Variants in RBBP5 observed in about 807,000 individuals in gnomAD.
The protein encoded by RBBP5 is RB binding protein 5, histone lysine methyltransferase complex subunit.
RBBP5 carries 5 observed loss-of-function variants against 72.2 expected under a neutral mutation model. The observed-to-expected ratio is 0.07, with a 90% CI of 0.04 to 0.15. The LOEUF (loss-of-function observed/expected upper bound fraction) is 0.15. Ranked by LOEUF, RBBP5 falls within the 10% of genes least tolerant of loss-of-function variation. The pLI is 1.00. For synonymous variants in RBBP5, 209 were observed against 237.2 expected (o/e 0.88, Z 1.09); for missense variants, 322 against 652.2 (o/e 0.49, Z 5.51).
chr1:205,103,794 A>C, intron 5 of RBBP5, 63 bp downstream of exon 5: 8 of 1,555,004 alleles, frequency 5.1e-6, no homozygotes, highest in Non-Finnish European at 7.0e-6. Flanking sequence ...AAAAGAAACA[A>C]AACAAGTAAA....
At chr1:205,097,715 A>G (rs1317731119) in intron 10 of RBBP5, among the ~76,000 whole-genome samples, 1 of 152,222 alleles carries the variant, frequency 6.6e-6, no homozygotes, top group Non-Finnish European at 1.5e-5. Context: ...AGGAGGAACA[A>G]TTTATGTGGA....
intron 1 of RBBP5, among the ~76,000 whole-genome samples, chr1:205,118,555 A>T (rs61822618): frequency 0.19 from 28,792 of 151,938 alleles, 3,024 homozygotes; most frequent in East Asian, 0.39. Flanking sequence ...GGAGGTTGCA[A>T]TGAGCCAAGA....
intron 12 of RBBP5, 70 bp from the exon 13 acceptor site, chr1:205,095,134 T>C: frequency 7.0e-7 from 1 of 1,437,972 alleles, no homozygotes; most frequent in Non-Finnish European, 9.6e-7. Context: ...ACAACTTTGT[T>C]GAGCAAAGAA....
rs1018412461 is a variant in RBBP5 at position 205,112,299 on chromosome 1, C to G, written c.218+2490G>C. Reference sequence around the variant, plus strand: ...CACCACTGCATTCCAGCCTGGGCAACAGAGCAAGACTCTGTCTCAAAAAAA... The same window carrying G: ...CACCACTGCATTCCAGCCTGGGCAAGAGAGCAAGACTCTGTCTCAAAAAAA... On this transcript the variant is annotated intron_variant, in intron 3 of 13. Coordinates refer to ENST00000264515, the MANE Select transcript of RBBP5 (RefSeq NM_005057.4). Among the ~76,000 whole-genome samples the G allele has an allele frequency of 2.1e-4, 32 of 152,060 alleles. 1 individual carries two copies. The highest frequency in any genetic ancestry group is 1.9e-3 in the Admixed American group (29 of 15,254).
chr1:205,093,552 A>ACT (rs1553352186), intron 13 of RBBP5, among the ~76,000 whole-genome samples: 1 of 66,320 alleles, frequency 1.5e-5, no homozygotes, highest in Non-Finnish European at 4.4e-5. Context: ...ACACACACAC[A>ACT]CACACACACA....
intron 5 of RBBP5, among the ~76,000 whole-genome samples, chr1:205,101,973 T>TGCAACCTC (rs1362242749): frequency 6.7e-6 from 1 of 150,250 alleles, no homozygotes; most frequent in African/African-American, 2.5e-5. Flanking sequence ...CTCGGCTCAC[T>TGCAACCTC]GCAACCTCTG....
In RBBP5 at chr1:205,101,057, G is replaced by T. The variant is rs142246368; in HGVS notation, c.632+543C>A. On this transcript the variant is annotated intron_variant, in intron 6 of 13. Transcript: ENST00000264515. ...TGCTCACCTCCAGCTGTGTGGCAGG[G>T]TTCCTAACAGGCCAATACTGGTCTG... Among the ~76,000 whole-genome samples the T allele has an allele frequency of 1.1e-3, 164 of 152,294 alleles. 1 individual carries two copies. The highest frequency in any genetic ancestry group is 3.7e-3 in the African/African-American group (154 of 41,566).
chr1:205,118,123 AG>A (rs1656598655), intron 1 of RBBP5, among the ~76,000 whole-genome samples: 1 of 151,950 alleles, frequency 6.6e-6, no homozygotes, highest in Non-Finnish European at 1.5e-5. Context: ...ACTGCTTGTA[AG>A]TGCTTTTAGC....
intron 5 of RBBP5, among the ~76,000 whole-genome samples, chr1:205,103,641 G>T (rs1655935492): frequency 1.3e-5 from 2 of 152,218 alleles, no homozygotes; most frequent in Non-Finnish European, 2.9e-5. Context: ...TCCAGTAAAG[G>T]TCCTCCCATG....
chr1:205,102,295 T>C lies in RBBP5; in HGVS notation c.523-586A>G, dbSNP rs138164127. Among the ~76,000 whole-genome samples, 33 of 152,272 alleles carry C rather than the reference T, an allele frequency of 2.2e-4. No homozygotes were observed. The East Asian group carries it at 6.2e-3, about 28-fold the overall frequency. On this transcript the variant is annotated intron_variant, in intron 5 of 13. Coordinates refer to ENST00000264515, the MANE Select transcript of RBBP5 (RefSeq NM_005057.4). Reference sequence around the variant, plus strand: ...ATAAGCCATATAAACAAAAGTGGTATAAACATAAAATGGAGTATTATTGAG... The same window carrying C: ...ATAAGCCATATAAACAAAAGTGGTACAAACATAAAATGGAGTATTATTGAG...
At chr1:205,097,575 A>C (rs1454286318) in intron 10 of RBBP5, among the ~76,000 whole-genome samples, 180 bp from the exon 11 acceptor site, 1 of 152,206 alleles carries the variant, frequency 6.6e-6, no homozygotes, top group African/African-American at 2.4e-5. Flanking sequence ...AGGCACTGAA[A>C]ATAGTGCAAT....
At chr1:205,118,254 TA>T (rs1308255750) in intron 1 of RBBP5, among the ~76,000 whole-genome samples, 1 of 152,198 alleles carries the variant, frequency 6.6e-6, no homozygotes, top group African/African-American at 2.4e-5. Flanking sequence ...TTTCAAACAG[TA>T]AGACGCAATC....
At chr1:205,093,996 T>C (rs892482551) in intron 13 of RBBP5, among the ~76,000 whole-genome samples, 1 of 152,150 alleles carries the variant, frequency 6.6e-6, no homozygotes, top group African/African-American at 2.4e-5. Flanking sequence ...AGTGCTTCTA[T>C]ATAAAGCAAA....
chr1:205,088,088 T>C lies in RBBP5; in HGVS notation c.*699A>G, dbSNP rs1655201107. The C allele has an allele frequency of 6.6e-6, 1 of 152,194 alleles. No individual in the cohort carries two copies. The highest frequency in any genetic ancestry group is 1.5e-5 in the Non-Finnish European group (1 of 68,038). The allele number at this position is 152,194 out of a possible 1,614,324, so 9.4% of individuals were successfully genotyped here. ...TAAAACTAGCTATCTTCAAAAACCATGATTGATGACAATGAACCAATATTG... is the reference window on the plus strand; with the variant it reads ...TAAAACTAGCTATCTTCAAAAACCACGATTGATGACAATGAACCAATATTG... On this transcript the variant is annotated 3_prime_UTR_variant, in exon 14 of 14. Coordinates refer to ENST00000264515, the MANE Select transcript of RBBP5 (RefSeq NM_005057.4).
At chr1:205,091,986 CCT>C (rs1222029756) in intron 13 of RBBP5, 1 of 152,182 alleles carries the variant, frequency 6.6e-6, no homozygotes, top group African/African-American at 2.4e-5. Flanking sequence ...CCAGAGTTTC[CCT>C]GAGTGGTCTT....
At chr1:205,108,031 T>C (rs927631713) in intron 3 of RBBP5, among the ~76,000 whole-genome samples, 2 of 149,218 alleles carry the variant, frequency 1.3e-5, no homozygotes, top group South Asian at 4.2e-4. Context: ...GATCATGAGG[T>C]CAAGAGATCG....
chr1:205,113,203 T>C lies in RBBP5; in HGVS notation c.218+1586A>G, dbSNP rs139136284. Among the ~76,000 whole-genome samples the C allele has an allele frequency of 2.5e-3, 387 of 152,290 alleles. 1 individual carries two copies. Among genetic ancestry groups the C allele is most frequent in the African/African-American group, 9.0e-3 (372 of 41,546 alleles). The stretch of plus-strand genomic sequence containing the variant: ...TACAGAAAATACTAGTTATCTCTAT[T>C]TTGTTTTATTTTCCATGATTTTCTA... On this transcript the variant is annotated intron_variant, in intron 3 of 13. Transcript: ENST00000264515.
chr1:205,119,657 T>G (rs1383412138), intron 1 of RBBP5, among the ~76,000 whole-genome samples: 1 of 152,168 alleles, frequency 6.6e-6, no homozygotes, highest in East Asian at 1.9e-4. Context: ...GAGCAACCCA[T>G]TCTCAGCCCT....
chr1:205,121,760 T>C, intron 1 of RBBP5, 95 bp downstream of exon 1: 1 of 1,574,858 alleles, frequency 6.3e-7, no homozygotes, highest in Non-Finnish European at 8.7e-7. Flanking sequence ...AGCCGAACAG[T>C]GTCCCTAAGA....
Sources: allele counts gnomAD v4.1 joint callset (sites outside exome capture counted in the v4.1 genomes callset), GRCh38; gene constraint gnomAD v4.1.1; transcripts MANE v1.5; gene names NCBI Gene and HGNC (gene_info 2026-07-23, HGNC 2026-07-21).